OR51E2: variants seen among roughly 807,000 people sequenced by gnomAD.
OR51E2 encodes the protein olfactory receptor 51E2.
A neutral mutation model predicts 13.7 loss-of-function variants in OR51E2; 14 were observed. The observed-to-expected ratio is 1.02, with a 90% CI of 0.68 to 1.60. The LOEUF is 1.60. Among genes scored for constraint, OR51E2 ranks in the 40% most tolerant of loss-of-function variants. OR51E2 has a pLI of 0.00. For synonymous variants in OR51E2, 180 were observed against 157.6 expected, an observed-to-expected ratio of 1.14 and a Z score of -1.07; for missense variants, 483 against 413.8, an observed-to-expected ratio of 1.17 and a Z score of -1.45.
At chr11:4,691,022 G>C in intron 1 of OR51E2, 1 of 456,418 alleles carries the variant, frequency 2.2e-6, no homozygotes, top group Non-Finnish European at 4.4e-6. Flanking sequence ...CAACGCTAAG[G>C]ACAGTCCTAA....
intron 1 of OR51E2, among the ~76,000 whole-genome samples, chr11:4,693,453 G>T (rs1182120202): frequency 6.6e-6 from 1 of 152,152 alleles, no homozygotes; most frequent in East Asian, 1.9e-4. Context: ...TGGGCGCGGT[G>T]GCTCACGCCT....
At chr11:4,690,023 G>T (rs1342020558) in intron 1 of OR51E2, among the ~76,000 whole-genome samples, 1 of 146,666 alleles carries the variant, frequency 6.8e-6, no homozygotes, top group Non-Finnish European at 1.5e-5. Flanking sequence ...ATAAATATAA[G>T]TTTATATATA....
chr11:4,689,245 C>G (rs569121507), intron 1 of OR51E2, among the ~76,000 whole-genome samples: 2 of 152,094 alleles, frequency 1.3e-5, no homozygotes, highest in African/African-American at 2.4e-5. Context: ...ATAATTCTTA[C>G]AGTACTATAA....
chr11:4,686,058 T>A (rs1054775792), intron 1 of OR51E2, among the ~76,000 whole-genome samples: 1 of 152,224 alleles, frequency 6.6e-6, no homozygotes, highest in Non-Finnish European at 1.5e-5. Context: ...TGGAGTTAAT[T>A]AATTCATTCA....
Position 4,684,206 on chromosome 11 carries a change from C to T in OR51E2, c.-50-1445G>A, listed in dbSNP as rs374517881. Among the ~76,000 whole-genome samples, 14 of 152,330 alleles carry T rather than the reference C, an allele frequency of 9.2e-5. No individual in the cohort carries two copies. In the South Asian group the frequency reaches 2.9e-3, roughly 32 times the overall value. On this transcript the variant is annotated intron_variant, in intron 1 of 1. Coordinates refer to ENST00000396950, the MANE Select transcript of OR51E2 (RefSeq NM_030774.4). Reference sequence around the variant, plus strand: ...ACTTCTGCCTGTATTTTCTCTTCTCCACCTTCAGAACTTGTGCAGACAAAA... The same window carrying T: ...ACTTCTGCCTGTATTTTCTCTTCTCTACCTTCAGAACTTGTGCAGACAAAA...
At chr11:4,692,985 T>C (rs1465569978) in intron 1 of OR51E2, among the ~76,000 whole-genome samples, 1 of 152,218 alleles carries the variant, frequency 6.6e-6, no homozygotes, top group Non-Finnish European at 1.5e-5. Flanking sequence ...TTTACAGTAA[T>C]GACAGTGTCC....
chr11:4,696,399 C>G (rs1277329362), intron 1 of OR51E2, among the ~76,000 whole-genome samples: 2 of 152,208 alleles, frequency 1.3e-5, no homozygotes, highest in African/African-American at 4.8e-5. Context: ...CTCTTTCTCT[C>G]TCTCATCCCT....
chr11:4,688,748 A>G (rs1233478950), intron 1 of OR51E2, among the ~76,000 whole-genome samples: 3 of 152,216 alleles, frequency 2.0e-5, no homozygotes, highest in Admixed American at 2.0e-4. Context: ...TAGAGATGGT[A>G]TAAATTGACT....
rs76296285 is a variant in OR51E2 at position 4,697,362 on chromosome 11, T to C, written c.-51+291A>G. ...ATTGGTAACTTTTCATTTTTAGTAA[T>C]AGTTATTGGGCATAGAAATGAGATT... On this transcript the variant is annotated intron_variant, in intron 1 of 1. Transcript: ENST00000396950. 6.5e-3 allele frequency among the ~76,000 whole-genome samples: 988 copies of C among 152,334 alleles called. 12 individuals are homozygous for C. The highest frequency in any genetic ancestry group is 0.023 in the African/African-American group (938 of 41,574).
At chr11:4,696,352 AC>A (rs1847656279) in intron 1 of OR51E2, among the ~76,000 whole-genome samples, 1 of 151,830 alleles carries the variant, frequency 6.6e-6, no homozygotes, top group African/African-American at 2.4e-5. Context: ...ATTACTACCC[AC>A]CACACACACA....
At chr11:4,690,548 C>T (rs764731431) in intron 1 of OR51E2, 16 of 225,308 alleles carry the variant, frequency 7.1e-5, no homozygotes, top group Non-Finnish European at 1.2e-4. Flanking sequence ...GGCTGTTCAT[C>T]TCTTCCATCC....
rs748371526 is a variant in OR51E2 at position 4,682,020 on chromosome 11, G to T, written c.692C>A (p.Ser231Ter). 6.2e-7 allele frequency: 1 copy of T among 1,614,236 alleles called. No individual in the cohort carries two copies. The highest frequency in any genetic ancestry group is 1.7e-5 in the Admixed American group (1 of 60,024). Residue 231 changes from serine to a stop codon, truncating the protein, a stop_gained, in exon 2 of 2, where the codon TCA becomes TAA. Coordinates refer to ENST00000396950, the MANE Select transcript of OR51E2 (RefSeq NM_030774.4). LOFTEE classifies it high-confidence loss of function. ...GGTTCCAAAGGCCTTGGCCCGCTCT[G>T]ACTTGGAAGGCAGTTGCAGAACCGT... is the stretch of plus-strand genomic sequence containing the variant. ...IRTVLQLPSK[S>*]ERAKAFGTCV...
intron 1 of OR51E2, among the ~76,000 whole-genome samples, chr11:4,684,383 G>A (rs748625201): frequency 9.2e-5 from 14 of 152,018 alleles, no homozygotes; most frequent in Middle Eastern, 3.2e-3. Flanking sequence ...TTCTGTATCC[G>A]TCATAGCTTG....
chr11:4,684,856 G>A (rs567847679), intron 1 of OR51E2, among the ~76,000 whole-genome samples: 4 of 152,106 alleles, frequency 2.6e-5, no homozygotes, highest in African/African-American at 7.2e-5. Context: ...CTTTGGGTCC[G>A]AATGTGACTG....
rs370910949 is a variant in OR51E2, at chr11:4,695,240, A to G, written c.-51+2413T>C. On this transcript the variant is annotated intron_variant, in intron 1 of 1. Transcript: ENST00000396950. ...GGAAGCAAGGAGCTTTGCTTTTAAT[A>G]AATAAATCATTTTCCATCTCTTCTC... 4.6e-5 allele frequency among the ~76,000 whole-genome samples: 7 copies of G among 152,298 alleles called. No individual in the cohort carries two copies. The South Asian group carries it at 1.2e-3, about 27-fold the overall frequency.
chr11:4,694,602 A>G (rs1218638564), intron 1 of OR51E2, among the ~76,000 whole-genome samples: 1 of 151,342 alleles, frequency 6.6e-6, no homozygotes, highest in Non-Finnish European at 1.5e-5. Flanking sequence ...ACACACACAT[A>G]TGCAGGGAGC....
At chr11:4,691,333 G>C (rs1378390661) in intron 1 of OR51E2, 2 of 457,634 alleles carry the variant, frequency 4.4e-6, no homozygotes, top group Non-Finnish European at 4.4e-6. Context: ...GCCACAAAAC[G>C]ATCAAAAGCC....
In OR51E2 at chr11:4,681,255, G is replaced by C. The variant is rs1341089735; in HGVS notation, c.*494C>G. 1 of 161,368 alleles carries C rather than the reference G, an allele frequency of 6.2e-6. No homozygotes were observed. The highest frequency in any genetic ancestry group is 1.4e-5 in the Non-Finnish European group (1 of 73,558). 10.0% of individuals were successfully genotyped at this position (161,368 alleles called of 1,614,324 possible). A position where few individuals can be genotyped will look rare whatever the true frequency, so the allele number is the denominator to read the frequency against. On this transcript the variant is annotated 3_prime_UTR_variant, in exon 2 of 2. Coordinates refer to ENST00000396950, the MANE Select transcript of OR51E2 (RefSeq NM_030774.4). ...TAGTCCCAGCTACTCGGGAGGCTGA[G>C]GCAGAAGAATTACTTCAACATGGGA...
At chr11:4,682,837 C>T (rs1847473765) in intron 1 of OR51E2, 76 bp from the exon 2 acceptor site, 2 of 1,028,982 alleles carry the variant, frequency 1.9e-6, no homozygotes, top group Non-Finnish European at 2.8e-6. Context: ...TGTCTTCTCC[C>T]ACCCCCACTT....
Sources: gnomAD v4.1 joint callset for allele counts (sites outside exome capture counted in the v4.1 genomes callset) on GRCh38, gnomAD v4.1.1 for gene constraint, MANE v1.5 for transcripts, NCBI Gene and HGNC (gene_info 2026-07-23, HGNC 2026-07-21) for gene names.